KCNK10: variants seen among roughly 807,000 people sequenced by gnomAD.
KCNK10 encodes the protein potassium channel subfamily K member 10.
In KCNK10, 25 loss-of-function variants were observed where a neutral mutation model predicts 47.7. The observed-to-expected ratio is 0.52, with a 90% CI of 0.38 to 0.73. The LOEUF (loss-of-function observed/expected upper bound fraction) is 0.73, where lower values mean the gene tolerates loss of function less well. Ranked by LOEUF, KCNK10 falls within the 30% of genes least tolerant of loss-of-function variation. The probability of loss-of-function intolerance (pLI) is 0.00; values close to 1 mark genes in which losing one functional copy is unlikely to be tolerated. For synonymous variants in KCNK10, 303 were observed against 285.6 expected (o/e 1.06, Z -0.61); for missense variants, 563 against 714.5 (o/e 0.79, Z 2.42).
At chr14:88,208,342 G>A (rs977629480) in intron 4 of KCNK10, among the ~76,000 whole-genome samples, 4 of 152,184 alleles carry the variant, frequency 2.6e-5, no homozygotes, top group Non-Finnish European at 5.9e-5. Context: ...ACGGAAGCAG[G>A]TGTCACATAT....
At chr14:88,240,010 G>A (rs1209000515) in intron 3 of KCNK10, among the ~76,000 whole-genome samples, 1 of 152,012 alleles carries the variant, frequency 6.6e-6, no homozygotes, top group Non-Finnish European at 1.5e-5. Flanking sequence ...ACAGGAAAGA[G>A]GTCATCACTG....
chr14:88,227,491 A>C lies in KCNK10; in HGVS notation c.565T>G (p.Cys189Gly), dbSNP rs1177939292. 1.9e-6 allele frequency: 3 copies of C among 1,613,334 alleles called. No homozygotes were observed. Among genetic ancestry groups the C allele is most frequent in the Non-Finnish European group, 2.5e-6 (3 of 1,179,724 alleles). The change falls in exon 4 of 7, where the codon TGT (cysteine) becomes GGT (glycine). Residue 189 changes from cysteine to glycine, a missense_variant. Physicochemically the swap from Cys to Gly is radical, Grantham distance 159. Coordinates refer to ENST00000319231, the MANE Select transcript of KCNK10 (RefSeq NM_138317.3). ...APSTEGGKIF[C>G]ILYAIFGIPL... Reference sequence around the variant, plus strand: ...ATTCCAAAGATGGCATATAAAATACAAAAGATTTTGCCTCCTTCAGTGCTC... The same window carrying C: ...ATTCCAAAGATGGCATATAAAATACCAAAGATTTTGCCTCCTTCAGTGCTC...
chr14:88,245,070 C>T (rs983337873), intron 2 of KCNK10, among the ~76,000 whole-genome samples: 8 of 152,180 alleles, frequency 5.3e-5, no homozygotes, highest in Admixed American at 1.3e-4. Context: ...CTCAGCTACC[C>T]AGTAAATGGC....
At chr14:88,277,139 ATTTGTC>A (rs1887541772) in intron 1 of KCNK10, among the ~76,000 whole-genome samples, 1 of 151,806 alleles carries the variant, frequency 6.6e-6, no homozygotes, top group African/African-American at 2.4e-5. Flanking sequence ...AGCCATCTCC[ATTTGTC>A]AGTGTAGCTG....
chr14:88,289,828 A>C (rs1006380702), intron 1 of KCNK10, among the ~76,000 whole-genome samples: 2 of 152,234 alleles, frequency 1.3e-5, no homozygotes, highest in Non-Finnish European at 2.9e-5. Flanking sequence ...AAGATAATTC[A>C]CTTGAAGTGC....
chr14:88,199,128 C>T (rs1436676489), intron 4 of KCNK10, among the ~76,000 whole-genome samples: 1 of 152,068 alleles, frequency 6.6e-6, no homozygotes. Context: ...CCATGTTGGC[C>T]ATGCTGGTCT....
At chr14:88,196,120 G>A (rs144462781) in intron 4 of KCNK10, among the ~76,000 whole-genome samples, 8 of 152,202 alleles carry the variant, frequency 5.3e-5, no homozygotes, top group Admixed American at 1.3e-4. Flanking sequence ...AGACTAGAGC[G>A]CATGTTCTTC....
intron 5 of KCNK10, among the ~76,000 whole-genome samples, chr14:88,190,488 G>C (rs1294764259): frequency 6.6e-6 from 1 of 152,146 alleles, no homozygotes; most frequent in African/African-American, 2.4e-5. Flanking sequence ...CAGTTTCTCT[G>C]TACAGTCTCT....
intron 1 of KCNK10, among the ~76,000 whole-genome samples, chr14:88,269,563 A>T (rs1444197121): frequency 6.6e-6 from 1 of 151,996 alleles, no homozygotes; most frequent in African/African-American, 2.4e-5. Context: ...CAGCCTCCCC[A>T]GTAGCTAGGA....
chr14:88,193,877 A>G (rs1321532428), intron 4 of KCNK10, among the ~76,000 whole-genome samples: 2 of 152,214 alleles, frequency 1.3e-5, no homozygotes, highest in East Asian at 3.9e-4. Context: ...TCTGCATCTA[A>G]CAGAAGAAAT....
intron 1 of KCNK10, among the ~76,000 whole-genome samples, chr14:88,271,549 G>A (rs542211307): frequency 2.0e-5 from 3 of 152,260 alleles, no homozygotes; most frequent in African/African-American, 2.4e-5. Flanking sequence ...CACTCAGTTC[G>A]GGCCTTTCTT....
At chr14:88,256,869 C>T (rs968240966) in intron 2 of KCNK10, among the ~76,000 whole-genome samples, 10 of 152,112 alleles carry the variant, frequency 6.6e-5, no homozygotes, top group Non-Finnish European at 1.3e-4. Context: ...AATCCTCAGA[C>T]CACCATAGTG....
chr14:88,295,750 G>C (rs989961471), intron 1 of KCNK10, among the ~76,000 whole-genome samples: 4 of 152,056 alleles, frequency 2.6e-5, no homozygotes, highest in Non-Finnish European at 4.4e-5. Context: ...TCATTGACAG[G>C]AGAACACCTC....
chr14:88,211,724 C>T (rs34775711), intron 4 of KCNK10, among the ~76,000 whole-genome samples: 50,168 of 151,190 alleles, frequency 0.33, 8,416 homozygotes, highest in Admixed American at 0.38. Context: ...GGTGAAACCC[C>T]GTCTCTACTA....
intron 4 of KCNK10, among the ~76,000 whole-genome samples, chr14:88,192,866 T>C (rs908292450): frequency 1.3e-5 from 2 of 152,202 alleles, no homozygotes; most frequent in Non-Finnish European, 2.9e-5. Context: ...GTTTCCCTTG[T>C]GTCAAACAGA....
At chr14:88,240,928 G>T (rs926042770) in intron 2 of KCNK10, 108 bp from the exon 3 acceptor site, 4 of 658,764 alleles carry the variant, frequency 6.1e-6, no homozygotes, top group Non-Finnish European at 1.0e-5. Flanking sequence ...TCAAGAACCT[G>T]CAGTGATCTA....
At chr14:88,311,082 G>A (rs989670958) in intron 1 of KCNK10, among the ~76,000 whole-genome samples, 15 of 152,084 alleles carry the variant, frequency 9.9e-5, no homozygotes, top group Admixed American at 6.6e-5. Context: ...GTTTGGAATT[G>A]GTTGTCATAA....
At chr14:88,213,872 T>G (rs1218222114) in intron 4 of KCNK10, among the ~76,000 whole-genome samples, 2 of 151,462 alleles carry the variant, frequency 1.3e-5, no homozygotes, top group African/African-American at 4.8e-5. Flanking sequence ...CAGTGGGAAT[T>G]AAAATCTTGG....
intron 1 of KCNK10, among the ~76,000 whole-genome samples, chr14:88,293,651 C>G (rs1331973386): frequency 6.6e-6 from 1 of 151,830 alleles, no homozygotes; most frequent in Non-Finnish European, 1.5e-5. Flanking sequence ...TACCCACTTC[C>G]TTTCTTCTTA....
Sources: allele counts gnomAD v4.1 joint callset (sites outside exome capture counted in the v4.1 genomes callset), GRCh38; gene constraint gnomAD v4.1.1; transcripts MANE v1.5; gene names NCBI Gene and HGNC (gene_info 2026-07-23, HGNC 2026-07-21).